The following PRMT2 variants were observed in gnomAD, a reference collection of about 807,000 sequenced individuals.
PRMT2 encodes protein arginine N-methyltransferase 2.
Under a neutral mutation model 57.6 loss-of-function variants are expected in PRMT2, and 26 were observed. The observed-to-expected ratio is 0.45, with a 90% CI of 0.33 to 0.63. PRMT2 has a LOEUF of 0.63. Ranked by LOEUF, PRMT2 falls within the 20% of genes least tolerant of loss-of-function variation. PRMT2 has a pLI of 0.02. For missense variants in PRMT2, 472 were observed against 564.4 expected (o/e 0.84, Z 1.66); for synonymous variants, 219 against 220.0 (o/e 1.00, Z 0.04).
Position 46,649,625 on chromosome 21 carries a change from C to A in PRMT2, c.540C>A (p.Val180=). The change falls in exon 7 of 12, where the codon GTC becomes GTA. Residue 180 remains valine, a synonymous_variant. Transcript: ENST00000355680. The surrounding 1 kb of genome is among the most constrained non-coding windows in gnomAD (Gnocchi z 4.8). Reference sequence around the variant, plus strand: ...TGGCACAGCACACGGGGCAGCTGGTCCTGCAGAACGGCTTTGCTGACATCA... The same window carrying A: ...TGGCACAGCACACGGGGCAGCTGGTACTGCAGAACGGCTTTGCTGACATCA... The part of the protein sequence containing the change: ...SEMAQHTGQL[V]LQNGFADIIT... 1.2e-6 allele frequency: 2 copies of A among 1,614,092 alleles called. No individual in the cohort carries two copies. The highest frequency in any genetic ancestry group is 2.2e-5 in the South Asian group (2 of 91,074).
intron 5 of PRMT2, among the ~76,000 whole-genome samples, chr21:46,647,973 T>C (rs1256562677): frequency 6.6e-6 from 1 of 152,178 alleles, no homozygotes; most frequent in Non-Finnish European, 1.5e-5. Context: ...AGCAGTTCTT[T>C]TTTTTTTAAA....
chr21:46,641,819 T>C (rs966790444), intron 3 of PRMT2, among the ~76,000 whole-genome samples: 3 of 150,896 alleles, frequency 2.0e-5, no homozygotes, highest in Admixed American at 6.6e-5. Flanking sequence ...ACCGGGGGGT[T>C]AGTAAGGGTT....
At position 46,664,436 on chromosome 21, in the gene PRMT2, T is replaced by G; in HGVS notation, c.*109T>G. 1 of 1,380,222 alleles carries G rather than the reference T, an allele frequency of 7.2e-7. No homozygotes were observed. Among genetic ancestry groups the G allele is most frequent in the Non-Finnish European group, 1.0e-6 (1 of 974,518 alleles). 85.5% of individuals were successfully genotyped at this position (1,380,222 alleles called of 1,614,324 possible). ...ACACTCCTGCGAAAGTCGGTGAACATTCACTCCACATTGACCCCTCCCTAG... is the reference window on the plus strand; with the variant it reads ...ACACTCCTGCGAAAGTCGGTGAACAGTCACTCCACATTGACCCCTCCCTAG... On this transcript the variant is annotated 3_prime_UTR_variant, in exon 12 of 12. Transcript: ENST00000355680.
intron 7 of PRMT2, 76 bp from the exon 8 acceptor site, chr21:46,658,669 C>A: frequency 6.4e-7 from 1 of 1,570,268 alleles, no homozygotes; most frequent in South Asian, 1.2e-5. Context: ...ACTAGTGTTA[C>A]GAATGTGGTG....
chr21:46,643,428 A>T, intron 3 of PRMT2, 107 bp from the exon 4 acceptor site: 1 of 1,365,392 alleles, frequency 7.3e-7, no homozygotes, highest in Non-Finnish European at 9.5e-7. Context: ...AAATACTTGG[A>T]CACATGAATC....
intron 8 of PRMT2, chr21:46,659,587 G>T (rs550137343): frequency 1.6e-4 from 156 of 968,010 alleles, no homozygotes; most frequent in Non-Finnish European, 1.9e-4. Context: ...GTTAAAATGC[G>T]AATTAAAATA....
chr21:46,656,176 C>T (rs1443477197), intron 7 of PRMT2, among the ~76,000 whole-genome samples: 1 of 152,162 alleles, frequency 6.6e-6, no homozygotes, highest in African/African-American at 2.4e-5. Context: ...GCCTGGCACG[C>T]CCACTTGCCT....
At chr21:46,655,161 C>G (rs936460687) in intron 7 of PRMT2, among the ~76,000 whole-genome samples, 8 of 152,080 alleles carry the variant, frequency 5.3e-5, no homozygotes, top group African/African-American at 1.7e-4. Flanking sequence ...AACTCCAGTT[C>G]TAAACAACTT....
intron 3 of PRMT2, among the ~76,000 whole-genome samples, chr21:46,642,100 C>G (rs1426064052): frequency 6.6e-6 from 1 of 152,172 alleles, no homozygotes; most frequent in Admixed American, 6.5e-5. Context: ...GTGGTTCCCT[C>G]TCAGCAAGCG....
chr21:46,643,751 T>A lies in PRMT2; in HGVS notation c.144+112T>A, dbSNP rs1365373903. 6 of 1,298,826 alleles carry A rather than the reference T, an allele frequency of 4.6e-6. No individual in the cohort carries two copies. In the Admixed American group the frequency reaches 1.5e-4, roughly 33 times the overall value. The allele number at this position is 1,298,826 out of a possible 1,614,324, so 80.5% of individuals were successfully genotyped here. On this transcript the variant is annotated intron_variant, in intron 4 of 11. Transcript: ENST00000355680. ...TTAAATGAAGAGGTATTCAGATGCG[T>A]AGGGCCACACAAGACCTGTGTGTGA...
In PRMT2 at chr21:46,648,590, T is replaced by C; in HGVS notation, c.460T>C (p.Phe154Leu). The C allele has an allele frequency of 6.2e-7, 1 of 1,614,224 alleles. No homozygotes were observed. The highest frequency in any genetic ancestry group is 8.5e-7 in the Non-Finnish European group (1 of 1,180,024). Residue 154 changes from phenylalanine (F) to leucine (L), a missense_variant, in exon 6 of 12, where the codon TTC (phenylalanine) becomes CTC (leucine). Transcript: ENST00000355680. The surrounding 1 kb of genome is among the most constrained non-coding windows in gnomAD (Gnocchi z 4.8). ...VGCGTGIISLFCAHYARPRAV... is the reference protein window; with the variant it reads ...VGCGTGIISLLCAHYARPRAV... ...CTGTGGGACTGGGATCATCAGTCTC[T>C]TCTGTGCACACTATGCGCGGCCTAG... is the stretch of plus-strand genomic sequence containing the variant.
chr21:46,654,977 A>C, intron 7 of PRMT2: 1 of 941,578 alleles, frequency 1.1e-6, no homozygotes. Context: ...GAAATGGACC[A>C]ATTCTTTTGA....
chr21:46,648,216 CT>C lies in PRMT2; in HGVS notation c.328-240del, dbSNP rs2061394139. ...TTGTCATACATGGTTGTGCACCTTTCTTGTTAAATTTGTTCCTAGGTATTTT... is the reference window on the plus strand; with the variant it reads ...TTGTCATACATGGTTGTGCACCTTTCTGTTAAATTTGTTCCTAGGTATTTT... On this transcript the variant is annotated intron_variant, in intron 5 of 11. Transcript: ENST00000355680. The surrounding 1 kb of genome is among the most constrained non-coding windows in gnomAD (Gnocchi z 4.8). The C allele has an allele frequency of 4.3e-6, 2 of 459,820 alleles. No individual in the cohort carries two copies. Among genetic ancestry groups the C allele is most frequent in the Non-Finnish European group, 7.9e-6 (2 of 253,346 alleles). 28.5% of individuals were successfully genotyped at this position (459,820 alleles called of 1,614,324 possible). A position where few individuals can be genotyped will look rare whatever the true frequency, so the allele number is the denominator to read the frequency against.
intron 8 of PRMT2, chr21:46,660,279 GT>G: frequency 3.5e-6 from 2 of 568,704 alleles, no homozygotes; most frequent in Non-Finnish European, 4.4e-6. Flanking sequence ...TCTAGTGTCT[GT>G]TTCTGTGTTG....
chr21:46,644,205 A>G, intron 4 of PRMT2, 101 bp from the exon 5 acceptor site: 2 of 1,212,576 alleles, frequency 1.6e-6, no homozygotes, highest in Non-Finnish European at 2.3e-6. Context: ...CCTGTTTGAA[A>G]TCTCTGTGAT....
chr21:46,661,567 A>AG (rs34781594), intron 9 of PRMT2: 354,107 of 354,112 alleles, frequency 1, 177,051 homozygotes, highest in Middle Eastern at 1. Flanking sequence ...AAGATTCCGC[A>AG]GAATCTGGGG....
chr21:46,649,294 G>A lies in PRMT2; in HGVS notation c.490-281G>A, dbSNP rs190433132. On this transcript the variant is annotated intron_variant, in intron 6 of 11. Coordinates refer to ENST00000355680, the MANE Select transcript of PRMT2 (RefSeq NM_206962.4). This position sits in a 1 kb window ranked among gnomAD's most constrained non-coding sequence, Gnocchi z 4.8. ...TGGTCATGGATTAAGATTGCTGTGC[G>A]TGTGGCAGCCGGCTCGGGCATGCGA... Among the ~76,000 whole-genome samples, 11 of 152,350 alleles carry A rather than the reference G, an allele frequency of 7.2e-5. No homozygotes were observed. The highest frequency in any genetic ancestry group is 3.9e-4 in the Admixed American group (6 of 15,310).
intron 7 of PRMT2, chr21:46,653,880 C>T: frequency 9.8e-7 from 1 of 1,019,102 alleles, no homozygotes; most frequent in Non-Finnish European, 1.2e-6. Flanking sequence ...CCTCCTTCTA[C>T]AACAATGCAC....
chr21:46,651,990 C>A (rs1251416029), intron 7 of PRMT2: 1 of 1,613,258 alleles, frequency 6.2e-7, no homozygotes, highest in East Asian at 2.2e-5. Context: ...CTCTCCTGGC[C>A]CATCTTCCTA....
Sources: gnomAD v4.1 joint callset for allele counts (sites outside exome capture counted in the v4.1 genomes callset) on GRCh38, gnomAD v4.1.1 for gene constraint, Gnocchi (gnomAD v3.1) non-coding constraint, MANE v1.5 for transcripts, NCBI Gene and HGNC (gene_info 2026-07-23, HGNC 2026-07-21) for gene names.